Variants in GDPD4 observed in about 807,000 individuals in gnomAD.
The protein encoded by GDPD4 is glycerophosphodiester phosphodiesterase domain containing 4, also known as glycerophosphodiester phosphodiesterase 6.
Under a neutral mutation model 67.8 loss-of-function variants are expected in GDPD4, and 60 were observed. The ratio of observed to expected loss-of-function variants is 0.88; its 90% CI spans 0.72 to 1.10. The LOEUF (loss-of-function observed/expected upper bound fraction) is 1.10. GDPD4 is among the 50% of genes least tolerant of loss of function. The pLI is 0.00. For synonymous variants in GDPD4, 212 were observed against 210.9 expected, an observed-to-expected ratio of 1.00 and a Z score of -0.04; for missense variants, 623 against 613.9, an observed-to-expected ratio of 1.01 and a Z score of -0.16.
chr11:77,229,445 G>C (rs1457236004), intron 14 of GDPD4, among the ~76,000 whole-genome samples: 1 of 152,148 alleles, frequency 6.6e-6, no homozygotes, highest in Non-Finnish European at 1.5e-5. Flanking sequence ...GGGCTCTAGA[G>C]GGAATAGAAC....
chr11:77,276,084 T>C, intron 5 of GDPD4, 77 bp downstream of exon 5: 1 of 1,011,432 alleles, frequency 9.9e-7, no homozygotes, highest in Non-Finnish European at 1.6e-6. Context: ...CAAAACTGAG[T>C]ACCAAGGAGC....
intron 3 of GDPD4, among the ~76,000 whole-genome samples, chr11:77,280,338 AT>A (rs1959702773): frequency 6.6e-6 from 1 of 152,146 alleles, no homozygotes; most frequent in Non-Finnish European, 1.5e-5. Context: ...TAAAGGAATG[AT>A]TCACATCCAT....
chr11:77,250,862 T>C (rs140757922), intron 11 of GDPD4, among the ~76,000 whole-genome samples: 106 of 152,322 alleles, frequency 7.0e-4, no homozygotes, highest in African/African-American at 2.5e-3. Context: ...TATTTATAAT[T>C]GTTACATCTT....
intron 3 of GDPD4, 45 bp from the exon 4 acceptor site, chr11:77,279,444 G>C: frequency 8.3e-7 from 1 of 1,205,190 alleles, no homozygotes; most frequent in Non-Finnish European, 1.2e-6. Context: ...GCAGAAATCA[G>C]TAGCATCTGT....
rs116033559 is a variant in GDPD4 at position 77,286,393 on chromosome 11, C to A, written c.-51+825G>T. On this transcript the variant is annotated intron_variant, in intron 2 of 16. Transcript: ENST00000315938. ...TTGAGAGCAGGAACCATGCCTGAAGCACTTGTATTATCCCCAGTGACTAGC... is the reference window on the plus strand; with the variant it reads ...TTGAGAGCAGGAACCATGCCTGAAGAACTTGTATTATCCCCAGTGACTAGC... 8.7e-4 allele frequency among the ~76,000 whole-genome samples: 133 copies of A among 152,316 alleles called. 1 individual carries two copies. The highest frequency in any genetic ancestry group is 3.4e-3 in the Middle Eastern group (1 of 294).
At chr11:77,257,552 TACACACACACACACACACACACAC>T (rs71043563) in intron 11 of GDPD4, among the ~76,000 whole-genome samples, 3 of 134,266 alleles carry the variant, frequency 2.2e-5, no homozygotes, top group Non-Finnish European at 3.2e-5. Context: ...CTCCCTCTCC[TACACACACACACACACACACACAC>T]ACACACACAC....
At chr11:77,219,013 TAA>T (rs911211127) in intron 16 of GDPD4, among the ~76,000 whole-genome samples, 5 of 152,218 alleles carry the variant, frequency 3.3e-5, no homozygotes, top group South Asian at 4.1e-4. Flanking sequence ...ACCAACAGTG[TAA>T]AAGTGTTCCT....
intron 14 of GDPD4, 135 bp downstream of exon 14, chr11:77,232,890 C>T (rs1958479045): frequency 1.5e-6 from 1 of 670,550 alleles, no homozygotes; most frequent in Non-Finnish European, 2.4e-6. Context: ...TGGAAAATAC[C>T]ACATCTCCAA....
intron 1 of GDPD4, among the ~76,000 whole-genome samples, chr11:77,292,366 T>TA (rs1019895349): frequency 2.1e-4 from 32 of 151,880 alleles, no homozygotes; most frequent in African/African-American, 6.0e-4. Context: ...AACTCTGAGT[T>TA]AAAAAAAATC....
chr11:77,252,851 G>A (rs113188382), intron 11 of GDPD4, among the ~76,000 whole-genome samples: 1 of 152,304 alleles, frequency 6.6e-6, no homozygotes, highest in African/African-American at 2.4e-5. Flanking sequence ...AACAGCAGAG[G>A]TGTATGTTGT....
At chr11:77,221,467 T>C (rs533607968) in intron 16 of GDPD4, among the ~76,000 whole-genome samples, 6 of 152,326 alleles carry the variant, frequency 3.9e-5, no homozygotes, top group Non-Finnish European at 5.9e-5. Flanking sequence ...CCATCTTTAT[T>C]TCTGCCTTCA....
intron 11 of GDPD4, among the ~76,000 whole-genome samples, chr11:77,249,484 TAAC>T (rs1360874437): frequency 2.6e-5 from 4 of 152,136 alleles, no homozygotes; most frequent in Non-Finnish European, 5.9e-5. Flanking sequence ...CACTCCATCC[TAAC>T]AACAAGTAAA....
At chr11:77,298,496 A>G (rs1194229307) in intron 1 of GDPD4, among the ~76,000 whole-genome samples, 1 of 152,146 alleles carries the variant, frequency 6.6e-6, no homozygotes, top group Admixed American at 6.5e-5. Context: ...TGGGGTCTCA[A>G]AAAAAAATTT....
At chr11:77,285,768 T>A (rs1959968765) in intron 2 of GDPD4, among the ~76,000 whole-genome samples, 1 of 152,034 alleles carries the variant, frequency 6.6e-6, no homozygotes, top group Non-Finnish European at 1.5e-5. Context: ...AGAAGAAAGC[T>A]CAGAGAGGTA....
chr11:77,291,253 T>C (rs1937762518), intron 1 of GDPD4, among the ~76,000 whole-genome samples: 2 of 152,162 alleles, frequency 1.3e-5, no homozygotes, highest in South Asian at 4.1e-4. Flanking sequence ...TTATGTTCAG[T>C]GAAATAAGTC....
intron 15 of GDPD4, 114 bp from the exon 16 acceptor site, chr11:77,228,030 T>G: frequency 1.3e-6 from 1 of 780,336 alleles, no homozygotes; most frequent in Admixed American, 1.8e-5. Context: ...TACAATCCTA[T>G]AGCATTTGCC....
In GDPD4 at chr11:77,268,929, G is replaced by A. The variant is rs761030013; in HGVS notation, c.619C>T (p.Pro207Ser). 6 of 1,613,732 alleles carry A rather than the reference G, an allele frequency of 3.7e-6. No homozygotes were observed. The African/African-American group carries it at 4.0e-5, about 11-fold the overall frequency. Reference protein sequence around the residue: ...KPTIFGHRGAPMLGPENTMMS... With the variant: ...KPTIFGHRGASMLGPENTMMS... ...TTCATCATGCTCAGACCTACCATGGGTGCACCTCTATGTCCAAAGATGGTT... is the reference window on the plus strand; with the variant it reads ...TTCATCATGCTCAGACCTACCATGGATGCACCTCTATGTCCAAAGATGGTT... The change falls in exon 9 of 17, where the codon CCC becomes TCC. Residue 207 changes from proline (P) to serine (S), a missense_variant. Physicochemically the swap from Pro to Ser is moderately conservative, Grantham distance 74 (BLOSUM62 -1). Coordinates refer to ENST00000315938, the MANE Select transcript of GDPD4 (RefSeq NM_182833.3).
intron 16 of GDPD4, among the ~76,000 whole-genome samples, chr11:77,220,578 T>C (rs1186094998): frequency 6.6e-6 from 1 of 152,214 alleles, no homozygotes; most frequent in Non-Finnish European, 1.5e-5. Flanking sequence ...GTAGATTAGC[T>C]TTTTGATGTG....
chr11:77,293,025 A>G (rs1565547827), intron 1 of GDPD4, among the ~76,000 whole-genome samples: 1 of 152,178 alleles, frequency 6.6e-6, no homozygotes, highest in Non-Finnish European at 1.5e-5. Flanking sequence ...AAAAAAAACA[A>G]CAACAACGGG....
Sources: allele counts gnomAD v4.1 joint callset (sites outside exome capture counted in the v4.1 genomes callset), GRCh38; gene constraint gnomAD v4.1.1; transcripts MANE v1.5; gene names NCBI Gene and HGNC (gene_info 2026-07-23, HGNC 2026-07-21).